ITCH: variants seen among roughly 807,000 people sequenced by gnomAD.
ITCH encodes itchy E3 ubiquitin protein ligase, also known as E3 ubiquitin-protein ligase Itchy homolog.
A neutral mutation model predicts 126.8 loss-of-function variants in ITCH; 28 were observed. That is an observed-to-expected ratio of 0.22 (90% CI 0.16 to 0.30). ITCH has a LOEUF of 0.30. Among genes scored for constraint, ITCH ranks in the 10% least tolerant of loss-of-function variants. ITCH has a pLI of 1.00. For synonymous variants in ITCH, 342 were observed against 340.0 expected (o/e 1.01, Z -0.06); for missense variants, 631 against 1,032.4 (o/e 0.61, Z 5.33).
intron 2 of ITCH, among the ~76,000 whole-genome samples, chr20:34,380,641 T>C (rs1459554194): frequency 7.7e-5 from 11 of 142,164 alleles, no homozygotes; most frequent in Non-Finnish European, 1.5e-5. Flanking sequence ...AAAATAGAGA[T>C]GGGGTCTTGC....
At chr20:34,385,143 G>A (rs2038224680) in intron 2 of ITCH, among the ~76,000 whole-genome samples, 1 of 150,822 alleles carries the variant, frequency 6.6e-6, no homozygotes, top group African/African-American at 2.4e-5. Context: ...GCCTACCGAG[G>A]AGCTGGGACC....
At chr20:34,382,339 A>C (rs1252435154) in intron 2 of ITCH, among the ~76,000 whole-genome samples, 5 of 152,178 alleles carry the variant, frequency 3.3e-5, no homozygotes, top group African/African-American at 1.2e-4. Context: ...AAAATGCATG[A>C]ATTTTGTTAA....
chr20:34,408,831 A>T, intron 4 of ITCH, 39 bp downstream of exon 4: 1 of 1,596,934 alleles, frequency 6.3e-7, no homozygotes, highest in South Asian at 1.1e-5. Context: ...TGTTTTGTTT[A>T]GTAGATGATT....
chr20:34,457,022 T>C (rs903689236), intron 12 of ITCH, among the ~76,000 whole-genome samples: 3 of 152,148 alleles, frequency 2.0e-5, no homozygotes, highest in Non-Finnish European at 4.4e-5. Context: ...AGTTTTCTTA[T>C]CTTAAGGATA....
chr20:34,396,697 C>A lies in ITCH; in HGVS notation c.70+2816C>A, dbSNP rs547206124. On this transcript the variant is annotated intron_variant, in intron 3 of 24. Coordinates refer to ENST00000374864, the MANE Select transcript of ITCH (RefSeq NM_031483.7). The stretch of plus-strand genomic sequence containing the variant: ...CTCCCTATTGTGGTTTTGGCTTGTA[C>A]TCCTTTGATGGCTAATGATATTGTC... Among the ~76,000 whole-genome samples, 16 of 152,146 alleles carry A rather than the reference C, an allele frequency of 1.1e-4. No homozygotes were observed. In the East Asian group the frequency reaches 2.9e-3, roughly 28 times the overall value.
chr20:34,406,321 T>C (rs557861941), intron 3 of ITCH, among the ~76,000 whole-genome samples: 1 of 151,968 alleles, frequency 6.6e-6, no homozygotes, highest in African/African-American at 2.4e-5. Flanking sequence ...TGAACCACCA[T>C]GCTTGATCTT....
At chr20:34,443,748 G>C (rs1011953657) in intron 10 of ITCH, among the ~76,000 whole-genome samples, 1 of 152,108 alleles carries the variant, frequency 6.6e-6, no homozygotes, top group African/African-American at 2.4e-5. Context: ...ACTTTGGGGG[G>C]ACAAGGTAGG....
rs1983340002 is a variant in ITCH, at chr20:34,438,604, C to A, written c.652C>A (p.Pro218Thr). 1 of 1,613,848 alleles carries A rather than the reference C, an allele frequency of 6.2e-7. No homozygotes were observed. Among genetic ancestry groups the A allele is most frequent in the African/African-American group, 1.3e-5 (1 of 74,892 alleles). ...TTCTAGACCTCCAAGACCTTCACGA[C>A]CACCACCACCCACCCCACGTAGACC... ...KPSRPPRPSR[P>T]PPPTPRRPAS... is the part of the protein sequence containing the mutation. The change falls in exon 8 of 25, where the codon CCA (proline) becomes ACA (threonine). Residue 218 changes from proline (P) to threonine (T), a missense_variant. Pro to Thr is a conservative substitution (Grantham distance 38). Around this residue, in one of 4 missense-constraint regions of ITCH, gnomAD observed 220 missense variants for 265.7 expected, o/e 0.83. Transcript: ENST00000374864.
chr20:34,373,784 T>C (rs2037731527), intron 2 of ITCH, among the ~76,000 whole-genome samples: 1 of 152,208 alleles, frequency 6.6e-6, no homozygotes, highest in African/African-American at 2.4e-5. Context: ...TGAGCTTAAC[T>C]CACTCCAGAA....
chr20:34,398,102 G>A (rs924813948), intron 3 of ITCH, among the ~76,000 whole-genome samples: 7 of 151,010 alleles, frequency 4.6e-5, no homozygotes, highest in Admixed American at 1.3e-4. Flanking sequence ...TCACCCTGTC[G>A]TCCAGGCTGG....
intron 12 of ITCH, among the ~76,000 whole-genome samples, chr20:34,452,601 C>T (rs1985397247): frequency 6.6e-6 from 1 of 152,228 alleles, no homozygotes; most frequent in African/African-American, 2.4e-5. Context: ...AGAATCCCAT[C>T]TTACAGCTTG....
chr20:34,405,833 A>G (rs2039040343), intron 3 of ITCH, among the ~76,000 whole-genome samples: 1 of 151,584 alleles, frequency 6.6e-6, no homozygotes, highest in Admixed American at 6.6e-5. Context: ...TGTGTTGTCC[A>G]GGCTGGTCTT....
chr20:34,460,352 C>CG (rs1986395052), intron 13 of ITCH, among the ~76,000 whole-genome samples: 1 of 108,970 alleles, frequency 9.2e-6, no homozygotes, highest in Non-Finnish European at 1.9e-5. Flanking sequence ...CCACACCCAG[C>CG]TTTTTTTTTT....
chr20:34,381,827 G>GTACC (rs2038076429), intron 2 of ITCH, among the ~76,000 whole-genome samples: 1 of 147,790 alleles, frequency 6.8e-6, no homozygotes, highest in African/African-American at 2.5e-5. Context: ...TCACACCACT[G>GTACC]TACCCTAGCT....
At chr20:34,477,644 A>G (rs1988359315) in intron 16 of ITCH, 128 bp from the exon 17 acceptor site, 2 of 757,586 alleles carry the variant, frequency 2.6e-6, no homozygotes, top group Non-Finnish European at 4.6e-6. Flanking sequence ...TTTTGACTAG[A>G]CCATGAACAC....
intron 20 of ITCH, among the ~76,000 whole-genome samples, chr20:34,485,558 A>G (rs146679333): frequency 3.9e-4 from 60 of 152,254 alleles, no homozygotes; most frequent in African/African-American, 1.3e-3. Context: ...TCTTTTATCC[A>G]TTCTAAAATT....
chr20:34,397,075 G>A (rs565153960), intron 3 of ITCH, among the ~76,000 whole-genome samples: 1 of 152,120 alleles, frequency 6.6e-6, no homozygotes, highest in African/African-American at 2.4e-5. Flanking sequence ...CCAGGCTGGA[G>A]TGCAGTGGTG....
chr20:34,387,472 C>T (rs2038327177), intron 2 of ITCH, among the ~76,000 whole-genome samples: 1 of 151,846 alleles, frequency 6.6e-6, no homozygotes, highest in African/African-American at 2.4e-5. Context: ...CTCTATCTCC[C>T]TGTAAAAAAT....
At chr20:34,502,113 G>A (rs1466956933) in intron 23 of ITCH, among the ~76,000 whole-genome samples, 1 of 152,176 alleles carries the variant, frequency 6.6e-6, no homozygotes, top group Non-Finnish European at 1.5e-5. Flanking sequence ...ATGGTTTAGG[G>A]ACAGTGTCAG....
Sources: gnomAD v4.1 joint callset for allele counts (sites outside exome capture counted in the v4.1 genomes callset) on GRCh38, gnomAD v4.1.1 for gene constraint, gnomAD v4.1.1 regional missense constraint, MANE v1.5 for transcripts, NCBI Gene and HGNC (gene_info 2026-07-23, HGNC 2026-07-21) for gene names.